Variants in RBFOX1 observed in about 807,000 individuals in gnomAD.
The protein encoded by RBFOX1 is RNA binding protein fox-1 homolog 1.
Under a neutral mutation model 57.7 loss-of-function variants are expected in RBFOX1, and 8 were observed. The observed-to-expected ratio is 0.14, with a 90% CI of 0.08 to 0.25. The LOEUF is 0.25. Among genes scored for constraint, RBFOX1 ranks in the 10% least tolerant of loss-of-function variants. RBFOX1 has a pLI of 1.00. For missense variants in RBFOX1, 611 were observed against 548.5 expected, an observed-to-expected ratio of 1.11 and a Z score of -1.14; for synonymous variants, 326 against 222.4, an observed-to-expected ratio of 1.47 and a Z score of -4.15.
At chr16:7,706,750 T>G (rs1370785284) in intron 14 of RBFOX1, among the ~76,000 whole-genome samples, 1 of 152,104 alleles carries the variant, frequency 6.6e-6, no homozygotes, top group Non-Finnish European at 1.5e-5. Context: ...TATTAACAGA[T>G]TTTTCTCTGG....
chr16:6,045,989 G>C (rs2095491436), intron 1 of RBFOX1, among the ~76,000 whole-genome samples: 1 of 152,224 alleles, frequency 6.6e-6, no homozygotes, highest in South Asian at 2.1e-4. Flanking sequence ...GAGGAGATGA[G>C]TTGTGTGGAG....
intron 4 of RBFOX1, among the ~76,000 whole-genome samples, chr16:5,903,128 A>C (rs11646350): frequency 6.6e-6 from 1 of 151,848 alleles, no homozygotes; most frequent in Non-Finnish European, 1.5e-5. Flanking sequence ...GGGTGTGTGT[A>C]TGTGAGTGTG....
rs576249369 is a variant in RBFOX1 at position 7,088,720 on chromosome 16, A to C, written c.27+36622A>C. ...ATATATATCCTAGTGTAGTTTAGCC[A>C]ATAAAGAGCATGTGTGAATTTCTTA... On this transcript the variant is annotated intron_variant, in intron 4 of 15. Coordinates refer to ENST00000550418, the MANE Select transcript of RBFOX1 (RefSeq NM_018723.4). Among the ~76,000 whole-genome samples, 8 of 152,342 alleles carry C rather than the reference A, an allele frequency of 5.3e-5. No homozygotes were observed. The East Asian group carries it at 1.4e-3, about 26-fold the overall frequency.
At chr16:6,946,373 T>C (rs1316375205) in intron 3 of RBFOX1, among the ~76,000 whole-genome samples, 1 of 152,222 alleles carries the variant, frequency 6.6e-6, no homozygotes, top group Non-Finnish European at 1.5e-5. Flanking sequence ...ACTGGGCCTA[T>C]ATTGCTTATC....
chr16:7,453,380 C>G (rs901105345), intron 4 of RBFOX1, among the ~76,000 whole-genome samples: 4 of 151,998 alleles, frequency 2.6e-5, no homozygotes, highest in African/African-American at 9.7e-5. Flanking sequence ...TGGAGAGTGG[C>G]CCAAGTCAGG....
At chr16:5,852,617 T>C (rs761881507) in intron 3 of RBFOX1, among the ~76,000 whole-genome samples, 2 of 152,094 alleles carry the variant, frequency 1.3e-5, no homozygotes, top group African/African-American at 4.8e-5. Context: ...CAACCAATGC[T>C]TGATGCAGCT....
At chr16:7,193,650 A>C (rs2085978784) in intron 4 of RBFOX1, among the ~76,000 whole-genome samples, 1 of 152,234 alleles carries the variant, frequency 6.6e-6, no homozygotes, top group African/African-American at 2.4e-5. Flanking sequence ...AGGATACTGC[A>C]ACAGTGTGAT....
At chr16:7,328,140 G>A (rs2096636154) in intron 4 of RBFOX1, among the ~76,000 whole-genome samples, 1 of 152,118 alleles carries the variant, frequency 6.6e-6, no homozygotes. Context: ...GAGTGGCGGA[G>A]ACTCAGGTGT....
intron 1 of RBFOX1, among the ~76,000 whole-genome samples, chr16:5,437,986 C>G (rs575362562): frequency 1.7e-4 from 26 of 152,276 alleles, no homozygotes; most frequent in Admixed American, 5.9e-4. Context: ...GACCATGTCT[C>G]TGTGTTGTCA....
At chr16:6,889,404 G>T (rs1316920814) in intron 3 of RBFOX1, among the ~76,000 whole-genome samples, 1 of 152,110 alleles carries the variant, frequency 6.6e-6, no homozygotes, top group African/African-American at 2.4e-5. Context: ...TACATATGAC[G>T]GCTCTGTCAA....
rs2092869777 is a variant in RBFOX1 at position 6,397,087 on chromosome 16, A to G, written c.-64+80030A>G. On this transcript the variant is annotated intron_variant, in intron 2 of 15. Transcript: ENST00000550418. ...GATAATATCAAATGTATACAGCTAT[A>G]GGTACTTGGAGTCCCAGAAAGAGGA... Among the ~76,000 whole-genome samples the G allele has an allele frequency of 1.3e-5, 2 of 152,186 alleles. 1 individual carries two copies. Among genetic ancestry groups the G allele is most frequent in the South Asian group, 4.1e-4 (2 of 4,832 alleles).
At chr16:6,419,163 A>T (rs185094275) in intron 2 of RBFOX1, among the ~76,000 whole-genome samples, 49 of 152,270 alleles carry the variant, frequency 3.2e-4, no homozygotes, top group African/African-American at 1.1e-3. Context: ...AATTTTATAA[A>T]ATGTGACACA....
At chr16:5,942,294 C>T (rs921979206) in intron 4 of RBFOX1, among the ~76,000 whole-genome samples, 8 of 152,026 alleles carry the variant, frequency 5.3e-5, no homozygotes, top group Non-Finnish European at 8.8e-5. Flanking sequence ...ATGGGTGCTG[C>T]TTATTGGTTA....
At chr16:6,805,644 C>G (rs373930201) in intron 3 of RBFOX1, among the ~76,000 whole-genome samples, 4 of 149,904 alleles carry the variant, frequency 2.7e-5, no homozygotes, top group African/African-American at 1.0e-4. Context: ...AGGATGTTTA[C>G]AAGGAGGGAA....
chr16:7,492,110 A>C (rs1030446377), intron 4 of RBFOX1, among the ~76,000 whole-genome samples: 1 of 152,200 alleles, frequency 6.6e-6, no homozygotes, highest in African/African-American at 2.4e-5. Flanking sequence ...CAAAAGGTGG[A>C]AAAAGACTCT....
At chr16:7,071,258 T>A (rs2057277128) in intron 4 of RBFOX1, among the ~76,000 whole-genome samples, 1 of 152,144 alleles carries the variant, frequency 6.6e-6, no homozygotes, top group Non-Finnish European at 1.5e-5. Context: ...AGGAGAATAG[T>A]AATGTCTTGC....
intron 1 of RBFOX1, among the ~76,000 whole-genome samples, chr16:5,330,013 G>A (rs1018707024): frequency 8.6e-5 from 13 of 150,460 alleles, no homozygotes; most frequent in Non-Finnish European, 1.2e-4. Flanking sequence ...AGACCGATGC[G>A]GTGTCTGATG....
chr16:6,975,126 T>G (rs1250241169), intron 3 of RBFOX1, among the ~76,000 whole-genome samples: 2 of 152,062 alleles, frequency 1.3e-5, no homozygotes, highest in Non-Finnish European at 2.9e-5. Context: ...CAGAGGAAGG[T>G]GTTTCACTCT....
chr16:5,617,665 T>G (rs1399300000), intron 3 of RBFOX1, among the ~76,000 whole-genome samples: 2 of 152,230 alleles, frequency 1.3e-5, no homozygotes, highest in Non-Finnish European at 2.9e-5. Context: ...ATGAGTTGTT[T>G]CTGAGGACTA....
Sources: allele counts gnomAD v4.1 joint callset (sites outside exome capture counted in the v4.1 genomes callset), GRCh38; gene constraint gnomAD v4.1.1; transcripts MANE v1.5; gene names NCBI Gene and HGNC (gene_info 2026-07-23, HGNC 2026-07-21).